Variants in C10orf90 observed in about 807,000 individuals in gnomAD.
C10orf90 encodes the protein chromosome 10 open reading frame 90.
A neutral mutation model predicts 62.5 loss-of-function variants in C10orf90; 56 were observed. That is an observed-to-expected ratio of 0.90 (90% CI 0.72 to 1.12). The LOEUF (loss-of-function observed/expected upper bound fraction) is 1.12, where lower values mean the gene tolerates loss of function less well. C10orf90 is among the 50% of genes most tolerant of loss of function. The pLI, the probability that C10orf90 is intolerant of heterozygous loss-of-function variation, is 0.00. For synonymous variants in C10orf90, 386 were observed against 340.4 expected, an observed-to-expected ratio of 1.13 and a Z score of -1.47; for missense variants, 970 against 880.4, an observed-to-expected ratio of 1.10 and a Z score of -1.29.
intron 2 of C10orf90, among the ~76,000 whole-genome samples, chr10:126,543,735 T>C (rs953868698): frequency 6.6e-6 from 1 of 152,238 alleles, no homozygotes; most frequent in African/African-American, 2.4e-5. Flanking sequence ...CCTGTGTTTG[T>C]TCTCTGGAAA....
rs754987630 is a variant in C10orf90 at position 126,453,697 on chromosome 10, G to A, written c.2188+5343C>T. ...AGCAGTAATTCATAACAAAGTGCTCGGCTGAGAGATGAAAGCCACCAGAGC... is the reference window on the plus strand; with the variant it reads ...AGCAGTAATTCATAACAAAGTGCTCAGCTGAGAGATGAAAGCCACCAGAGC... On this transcript the variant is annotated intron_variant, in intron 7 of 9. Coordinates refer to ENST00000488181, the MANE Select transcript of C10orf90 (RefSeq NM_001350921.2). This position sits in a 1 kb window ranked among gnomAD's most constrained non-coding sequence, Gnocchi z 4.9. Among the ~76,000 whole-genome samples, 8 of 152,118 alleles carry A rather than the reference G, an allele frequency of 5.3e-5. No individual in the cohort carries two copies. The highest frequency in any genetic ancestry group is 8.8e-5 in the Non-Finnish European group (6 of 68,040).
intron 7 of C10orf90, among the ~76,000 whole-genome samples, chr10:126,455,159 T>C (rs533088477): frequency 6.6e-6 from 1 of 152,310 alleles, no homozygotes; most frequent in East Asian, 1.9e-4. Context: ...GCCTTGCTTT[T>C]GACCTCAGAA....
intron 7 of C10orf90, among the ~76,000 whole-genome samples, chr10:126,451,214 AG>A (rs1377791364): frequency 6.6e-6 from 1 of 152,218 alleles, no homozygotes. Context: ...TGTGGAGAAA[AG>A]AGAACACTTG....
intron 2 of C10orf90, among the ~76,000 whole-genome samples, chr10:126,633,761 C>G (rs543694209): frequency 1.3e-5 from 2 of 152,286 alleles, no homozygotes; most frequent in Admixed American, 1.3e-4. Context: ...TCCCCCAACA[C>G]GCAGGAAACA....
At chr10:126,632,158 C>A (rs1461622356) in intron 2 of C10orf90, among the ~76,000 whole-genome samples, 2 of 152,084 alleles carry the variant, frequency 1.3e-5, no homozygotes, top group Admixed American at 6.5e-5. Flanking sequence ...GCCAGGTCTG[C>A]CTGACCTTGA....
intron 1 of C10orf90, among the ~76,000 whole-genome samples, chr10:126,655,261 T>G (rs1275906756): frequency 1.3e-5 from 2 of 152,084 alleles, no homozygotes; most frequent in African/African-American, 4.8e-5. Context: ...GAGGTGGCAG[T>G]GGGCCGAGAT....
intron 2 of C10orf90, among the ~76,000 whole-genome samples, chr10:126,516,751 G>C (rs190140253): frequency 6.6e-6 from 1 of 152,290 alleles, no homozygotes; most frequent in Admixed American, 6.5e-5. Context: ...GTATGCTCCA[G>C]TTCTAGAGTT....
chr10:126,577,515 A>G (rs1004304082), intron 2 of C10orf90, among the ~76,000 whole-genome samples: 8 of 152,068 alleles, frequency 5.3e-5, no homozygotes, highest in Non-Finnish European at 1.0e-4. Context: ...AAATTATTGA[A>G]GTAGACAAAA....
intron 8 of C10orf90, among the ~76,000 whole-genome samples, chr10:126,428,529 C>T (rs1163464361): frequency 6.6e-6 from 1 of 152,142 alleles, no homozygotes; most frequent in African/African-American, 2.4e-5. Flanking sequence ...AGGAGACCAG[C>T]TGGGGGAAGC....
intron 7 of C10orf90, among the ~76,000 whole-genome samples, chr10:126,436,629 C>T (rs1000295238): frequency 2.0e-5 from 3 of 152,116 alleles, no homozygotes; most frequent in Non-Finnish European, 2.9e-5. Context: ...GATTTGGTTC[C>T]TCTGCACCCA....
intron 2 of C10orf90, among the ~76,000 whole-genome samples, chr10:126,522,536 T>C (rs183726896): frequency 5.3e-5 from 8 of 152,354 alleles, no homozygotes; most frequent in Non-Finnish European, 1.0e-4. Context: ...TCAAGCCCCT[T>C]GCGTCTGGTC....
chr10:126,624,631 G>C (rs1591153959), intron 2 of C10orf90, among the ~76,000 whole-genome samples: 1 of 152,322 alleles, frequency 6.6e-6, no homozygotes, highest in East Asian at 1.9e-4. Flanking sequence ...GTCAGGATAA[G>C]AGCATTGAGT....
intron 2 of C10orf90, among the ~76,000 whole-genome samples, chr10:126,599,026 T>G (rs1452627473): frequency 1.3e-5 from 2 of 152,156 alleles, no homozygotes; most frequent in Non-Finnish European, 2.9e-5. Context: ...ACAGAGAAAC[T>G]TGAGGATATT....
intron 7 of C10orf90, among the ~76,000 whole-genome samples, chr10:126,438,723 T>C (rs534539773): frequency 4.1e-5 from 6 of 146,700 alleles, no homozygotes; most frequent in African/African-American, 1.5e-4. Flanking sequence ...TTAATGTGTG[T>C]GTATATGTAT....
chr10:126,649,071 T>TCTCTCC (rs1455526825), intron 1 of C10orf90, among the ~76,000 whole-genome samples: 2 of 40,756 alleles, frequency 4.9e-5, no homozygotes, highest in Non-Finnish European at 9.6e-5. Flanking sequence ...TCTCTCTCTC[T>TCTCTCC]CCCCCCCCCC....
At chr10:126,490,833 T>C (rs1861729994) in intron 4 of C10orf90, among the ~76,000 whole-genome samples, 1 of 152,102 alleles carries the variant, frequency 6.6e-6, no homozygotes, top group South Asian at 2.1e-4. Context: ...CGAAAAGCCT[T>C]ACCTAGAGCA....
chr10:126,581,766 GA>G (rs143952726), intron 2 of C10orf90, among the ~76,000 whole-genome samples: 34 of 151,870 alleles, frequency 2.2e-4, no homozygotes, highest in Admixed American at 4.6e-4. Context: ...TCTAAGAACA[GA>G]AAAAAAACTA....
At position 126,589,672 on chromosome 10, in the gene C10orf90, T is replaced by C. The variant is rs374816918; in HGVS notation, c.313+56893A>G. Among the ~76,000 whole-genome samples, 9 of 152,282 alleles carry C rather than the reference T, an allele frequency of 5.9e-5. No individual in the cohort carries two copies. The South Asian group carries it at 1.9e-3, about 32-fold the overall frequency. On this transcript the variant is annotated intron_variant, in intron 2 of 9. Transcript: ENST00000488181. ...AGCAAATGCTGAGGAAATTCATCAT[T>C]ACCAGGCCTGCCTTGTAAGAGCTCC...
At chr10:126,589,884 C>T (rs1413790798) in intron 2 of C10orf90, among the ~76,000 whole-genome samples, 1 of 152,126 alleles carries the variant, frequency 6.6e-6, no homozygotes, top group Non-Finnish European at 1.5e-5. Flanking sequence ...GGGCGAAATG[C>T]TCCAATTAAG....
Sources: allele counts gnomAD v4.1 joint callset (sites outside exome capture counted in the v4.1 genomes callset), GRCh38; gene constraint gnomAD v4.1.1; non-coding constraint Gnocchi (gnomAD v3.1); transcripts MANE v1.5; gene names NCBI Gene and HGNC (gene_info 2026-07-23, HGNC 2026-07-21).